The following MBNL2 variants were observed in gnomAD, a reference collection of about 807,000 sequenced individuals.
MBNL2 encodes the protein muscleblind like splicing regulator 2, also known as muscleblind-like protein 2.
MBNL2 carries 17 observed loss-of-function variants against 41.9 expected under a neutral mutation model. That is an observed-to-expected ratio of 0.41 (90% CI 0.28 to 0.61). The LOEUF (loss-of-function observed/expected upper bound fraction) is 0.61. Ranked by LOEUF, MBNL2 falls within the 20% of genes least tolerant of loss-of-function variation. The pLI is 0.35. For missense variants in MBNL2, 336 were observed against 505.6 expected, an observed-to-expected ratio of 0.66 and a Z score of 3.22; for synonymous variants, 195 against 182.9, an observed-to-expected ratio of 1.07 and a Z score of -0.53.
chr13:97,384,962 T>C (rs996091479), intron 8 of MBNL2, among the ~76,000 whole-genome samples: 7 of 152,170 alleles, frequency 4.6e-5, no homozygotes, highest in East Asian at 1.9e-4. Flanking sequence ...AATGGGAGAA[T>C]GGGGAGGGAA....
chr13:97,233,812 C>T (rs759895109), intron 1 of MBNL2, among the ~76,000 whole-genome samples: 3 of 152,060 alleles, frequency 2.0e-5, no homozygotes, highest in South Asian at 2.1e-4. Context: ...TCCCACAATG[C>T]GTGCTACTCT....
intron 2 of MBNL2, among the ~76,000 whole-genome samples, chr13:97,311,514 C>T (rs2058605133): frequency 6.6e-6 from 1 of 152,154 alleles, no homozygotes; most frequent in Non-Finnish European, 1.5e-5. Flanking sequence ...TTAAGCTTTT[C>T]ATTCTAGCTA....
At position 97,366,994 on chromosome 13, in the gene MBNL2, G is replaced by T. The variant is rs2063900244; in HGVS notation, c.1048+1823G>T. 6.6e-6 allele frequency among the ~76,000 whole-genome samples: 1 copy of T among 152,112 alleles called. No homozygotes were observed. Among genetic ancestry groups the T allele is most frequent in the African/African-American group, 2.4e-5 (1 of 41,434 alleles). On this transcript the variant is annotated intron_variant, in intron 8 of 8. Transcript: ENST00000679496. This position sits in a 1 kb window ranked among gnomAD's most constrained non-coding sequence, Gnocchi z 4.7. Reference sequence around the variant, plus strand: ...AAAGAGTCATATTTGAGGCCTAAGTGTCATATTTGAGGTCTGAATAATTCT... The same window carrying T: ...AAAGAGTCATATTTGAGGCCTAAGTTTCATATTTGAGGTCTGAATAATTCT...
intron 2 of MBNL2, among the ~76,000 whole-genome samples, chr13:97,281,021 C>G (rs1044572236): frequency 6.6e-6 from 1 of 152,214 alleles, no homozygotes; most frequent in African/African-American, 2.4e-5. Context: ...TCTCCCTCCT[C>G]CACTCTGCTA....
At chr13:97,196,777 C>A in the MBNL2 span, among the ~76,000 whole-genome samples, 1 of 152,158 alleles carries the variant, frequency 6.6e-6, no homozygotes, top group African/African-American at 2.4e-5. Context: ...TTCCACAATT[C>A]TCATTACTGT....
At chr13:97,175,519 G>A in the MBNL2 span, among the ~76,000 whole-genome samples, 1 of 152,212 alleles carries the variant, frequency 6.6e-6, no homozygotes, top group South Asian at 2.1e-4. Flanking sequence ...CCCCTGGAAT[G>A]AGATGGTGGC....
At position 97,334,504 on chromosome 13, in the gene MBNL2, T is replaced by C. The variant is rs1391858261; in HGVS notation, c.339+64T>C. The C allele has an allele frequency of 1.8e-5, 23 of 1,258,752 alleles. No individual in the cohort carries two copies. Among genetic ancestry groups the C allele is most frequent in the South Asian group, 8.1e-5 (5 of 61,716 alleles). The allele number at this position is 1,258,752 out of a possible 1,614,324, so 78.0% of individuals were successfully genotyped here. A position where few individuals can be genotyped will look rare whatever the true frequency, so the allele number is the denominator to read the frequency against. ...CAGTGTTGGTATGGATGATGCCACGTTGACCTAGGGTGGCCTCTCTCCACT... is the reference window on the plus strand; with the variant it reads ...CAGTGTTGGTATGGATGATGCCACGCTGACCTAGGGTGGCCTCTCTCCACT... On this transcript the variant is annotated intron_variant, in intron 3 of 8. Transcript: ENST00000679496. The surrounding 1 kb of genome is among the most constrained non-coding windows in gnomAD (Gnocchi z 5.3).
chr13:97,257,863 G>T (rs2047855122), intron 1 of MBNL2, among the ~76,000 whole-genome samples: 1 of 152,218 alleles, frequency 6.6e-6, no homozygotes, highest in African/African-American at 2.4e-5. Context: ...CTCAGAAGTT[G>T]CTCGCGCCCA....
intron 1 of MBNL2, among the ~76,000 whole-genome samples, chr13:97,259,292 A>C (rs1399299202): frequency 6.6e-6 from 1 of 152,146 alleles, no homozygotes; most frequent in Admixed American, 6.5e-5. Flanking sequence ...AGAAGAGAAC[A>C]TGTAAAGAAG....
chr13:97,353,854 A>T (rs2062731633), intron 5 of MBNL2, among the ~76,000 whole-genome samples: 1 of 151,808 alleles, frequency 6.6e-6, no homozygotes, highest in Admixed American at 6.6e-5. Context: ...TCGATTGTTC[A>T]GGAAAGTCTG....
chr13:97,304,750 A>G (rs2057966223), intron 2 of MBNL2, among the ~76,000 whole-genome samples: 1 of 152,238 alleles, frequency 6.6e-6, no homozygotes, highest in Non-Finnish European at 1.5e-5. Flanking sequence ...TAAATGCATT[A>G]TTACATATAT....
the MBNL2 span, among the ~76,000 whole-genome samples, chr13:97,153,320 A>AGT: frequency 0.03 from 4,565 of 150,280 alleles, 186 homozygotes; most frequent in African/African-American, 0.097. Context: ...CGTGTGTGTG[A>AGT]GTGTGTGTGT....
intron 8 of MBNL2, among the ~76,000 whole-genome samples, chr13:97,368,673 A>AGAGAGATTCCATAGGTATATTCAAGT (rs2064081536): frequency 6.6e-6 from 1 of 151,398 alleles, no homozygotes; most frequent in Admixed American, 6.6e-5. Context: ...AAACTTTGAG[A>AGAGAGATTCCATAGGTATATTCAAGT]GAGAGATTCC....
chr13:97,164,978 C>T, the MBNL2 span, among the ~76,000 whole-genome samples: 3 of 152,150 alleles, frequency 2.0e-5, no homozygotes, highest in East Asian at 3.9e-4. Context: ...GCCGAGGTGG[C>T]GGATCACTTG....
chr13:97,328,031 C>T (rs1054204879), intron 2 of MBNL2, among the ~76,000 whole-genome samples: 10 of 152,064 alleles, frequency 6.6e-5, no homozygotes, highest in Admixed American at 2.6e-4. Flanking sequence ...ATTGAAAGTC[C>T]GTGAGGCAGA....
At chr13:97,269,769 G>T (rs1273047777) in intron 1 of MBNL2, among the ~76,000 whole-genome samples, 1 of 151,998 alleles carries the variant, frequency 6.6e-6, no homozygotes, top group Non-Finnish European at 1.5e-5. Flanking sequence ...CAGATAAGAG[G>T]TCCAGGTACT....
the MBNL2 span, among the ~76,000 whole-genome samples, chr13:97,190,285 C>T: frequency 1.3e-5 from 2 of 152,194 alleles, no homozygotes; most frequent in African/African-American, 4.8e-5. Context: ...GCACTAGCAG[C>T]GATCCCTAGC....
At chr13:97,153,063 A>G in the MBNL2 span, among the ~76,000 whole-genome samples, 1 of 152,216 alleles carries the variant, frequency 6.6e-6, no homozygotes, top group Non-Finnish European at 1.5e-5. Context: ...AGTTTGTACA[A>G]TTAGCAATTG....
At chr13:97,330,712 T>C (rs2060361755) in intron 2 of MBNL2, among the ~76,000 whole-genome samples, 1 of 152,250 alleles carries the variant, frequency 6.6e-6, no homozygotes, top group Non-Finnish European at 1.5e-5. Context: ...TTTTGTACAC[T>C]GATGCATATC....
Sources: gnomAD v4.1 joint callset for allele counts (sites outside exome capture counted in the v4.1 genomes callset) on GRCh38, gnomAD v4.1.1 for gene constraint, Gnocchi (gnomAD v3.1) non-coding constraint, MANE v1.5 for transcripts, NCBI Gene and HGNC (gene_info 2026-07-23, HGNC 2026-07-21) for gene names.